Variants in CDIN1 observed in about 807,000 individuals in gnomAD.
CDIN1 encodes the protein CDAN1 interacting nuclease 1.
CDIN1 carries 33 observed loss-of-function variants against 45.3 expected under a neutral mutation model. That is an observed-to-expected ratio of 0.73 (90% CI 0.55 to 0.97). The LOEUF is 0.97. Among genes scored for constraint, CDIN1 ranks in the 50% least tolerant of loss-of-function variants. CDIN1 has a pLI of 0.00. For synonymous variants in CDIN1, 118 were observed against 124.4 expected (o/e 0.95, Z 0.34); for missense variants, 303 against 339.4 (o/e 0.89, Z 0.84).
In CDIN1 at chr15:36,579,876, G is replaced by GCTCA; in HGVS notation, c.17_20dup (p.Gln7HisfsTer48). The GCTCA allele has an allele frequency of 1.2e-6, 2 of 1,613,828 alleles. No homozygotes were observed. Among genetic ancestry groups the GCTCA allele is most frequent in the Non-Finnish European group, 1.7e-6 (2 of 1,179,844 alleles). ...CTGGCCCAACATGATACTGACCAAA[G>GCTCA]CTCAGTACGACGAGATAGCCCAGTG... is the stretch of plus-strand genomic sequence containing the variant. On this transcript the variant is annotated frameshift_variant, in exon 1 of 11. Transcript: ENST00000566621. LOFTEE classifies it high-confidence loss of function.
intron 5 of CDIN1, among the ~76,000 whole-genome samples, chr15:36,666,324 C>T (rs968759195): frequency 6.6e-6 from 1 of 152,130 alleles, no homozygotes; most frequent in African/African-American, 2.4e-5. Flanking sequence ...TGAGAATTAT[C>T]ATGGCTGGTA....
chr15:36,618,035 T>C (rs1165033867), intron 1 of CDIN1: 2 of 780,684 alleles, frequency 2.6e-6, no homozygotes, highest in Non-Finnish European at 4.7e-6. Flanking sequence ...TCACCAGCAG[T>C]TCTCGGTCTA....
In CDIN1 at chr15:36,709,965, A is replaced by C. The variant is rs1261600914; in HGVS notation, c.716+4A>C. On this transcript the variant is annotated splice_donor_region_variant and intron_variant, in intron 10 of 10. Transcript: ENST00000566621. ...AGTTCTGGAGCTACTGGAATAGGTA[A>C]GGTCTCATTATTTTTCTTTTAAGAT... 1.9e-6 allele frequency: 3 copies of C among 1,591,936 alleles called. No homozygotes were observed. In the Admixed American group the frequency reaches 5.1e-5, roughly 27 times the overall value.
chr15:36,658,006 A>G lies in CDIN1; in HGVS notation c.346+101A>G, dbSNP rs552740790. The G allele has an allele frequency of 7.4e-6, 7 of 947,144 alleles. No homozygotes were observed. In the South Asian group the frequency reaches 1.1e-4, roughly 15 times the overall value. 58.7% of individuals were successfully genotyped at this position (947,144 alleles called of 1,614,324 possible). A position where few individuals can be genotyped will look rare whatever the true frequency, so the allele number is the denominator to read the frequency against. ...AGTCACTTAATGAGAGCCAGATTCCAAAACAGCTATCATGAACAGTTAATG... is the reference window on the plus strand; with the variant it reads ...AGTCACTTAATGAGAGCCAGATTCCGAAACAGCTATCATGAACAGTTAATG... On this transcript the variant is annotated intron_variant, in intron 5 of 10. Transcript: ENST00000566621.
chr15:36,729,521 C>T (rs1056861564), intron 10 of CDIN1, among the ~76,000 whole-genome samples: 11 of 152,220 alleles, frequency 7.2e-5, no homozygotes, highest in East Asian at 3.9e-4. Flanking sequence ...ACCAAGAAGT[C>T]GTGTCCTTTT....
At chr15:36,678,058 T>G (rs2041713916) in intron 5 of CDIN1, among the ~76,000 whole-genome samples, 1 of 152,228 alleles carries the variant, frequency 6.6e-6, no homozygotes, top group Non-Finnish European at 1.5e-5. Context: ...AGTTATTTCT[T>G]ACATGATTAT....
intron 10 of CDIN1, among the ~76,000 whole-genome samples, chr15:36,798,344 T>C (rs1010172201): frequency 1.3e-5 from 2 of 152,362 alleles, no homozygotes; most frequent in African/African-American, 2.4e-5. Context: ...TTTATTTTTT[T>C]CCCCTTTCTG....
chr15:36,737,951 A>G (rs988470159), intron 10 of CDIN1, among the ~76,000 whole-genome samples: 1 of 152,202 alleles, frequency 6.6e-6, no homozygotes, highest in Non-Finnish European at 1.5e-5. Context: ...ACATTTGACA[A>G]AGCTTACCGA....
intron 7 of CDIN1, 101 bp from the exon 8 acceptor site, chr15:36,697,222 G>A: frequency 1.1e-6 from 1 of 873,222 alleles, no homozygotes; most frequent in Non-Finnish European, 1.9e-6. Context: ...CCAAGATGTG[G>A]ACTAAGGGTG....
In CDIN1 at chr15:36,744,901, A is replaced by G. The variant is rs77649688; in HGVS notation, c.716+34940A>G. On this transcript the variant is annotated intron_variant, in intron 10 of 10. Coordinates refer to ENST00000566621, the MANE Select transcript of CDIN1 (RefSeq NM_001321759.2). ...TATGGCCATTGACCTGAATACTGCC[A>G]TGTCTAGCTTTCTACATCCCAGAAG... Among the ~76,000 whole-genome samples the G allele has an allele frequency of 9.2e-3, 1,405 of 152,308 alleles. 18 individuals carry two copies. The highest frequency in any genetic ancestry group is 0.032 in the African/African-American group (1,347 of 41,568).
At chr15:36,662,782 C>A (rs760070150) in intron 5 of CDIN1, among the ~76,000 whole-genome samples, 4 of 150,536 alleles carry the variant, frequency 2.7e-5, no homozygotes, top group Non-Finnish European at 4.4e-5. Context: ...TGGAATGTAT[C>A]ATGTGTGTAC....
chr15:36,802,169 G>A (rs2141134177), intron 10 of CDIN1, among the ~76,000 whole-genome samples: 1 of 152,234 alleles, frequency 6.6e-6, no homozygotes, highest in South Asian at 2.1e-4. Context: ...GCCCTTTTTG[G>A]GCCCCAGTTT....
At chr15:36,582,409 T>C (rs1195916265) in intron 1 of CDIN1, among the ~76,000 whole-genome samples, 1 of 152,218 alleles carries the variant, frequency 6.6e-6, no homozygotes, top group Admixed American at 6.5e-5. Context: ...AATAAGAGAA[T>C]ATTCTTTAGT....
chr15:36,612,548 GA>G (rs1384359566), intron 1 of CDIN1, among the ~76,000 whole-genome samples: 2 of 152,184 alleles, frequency 1.3e-5, no homozygotes, highest in Admixed American at 1.3e-4. Context: ...GAGGCTGCAT[GA>G]GAACAAGTTT....
At chr15:36,799,295 T>A (rs2054929595) in intron 10 of CDIN1, 1 of 152,232 alleles carries the variant, frequency 6.6e-6, no homozygotes, top group Non-Finnish European at 1.5e-5. Context: ...TTAGGGTTTC[T>A]ATGTCTTTTG....
At chr15:36,675,195 T>A (rs1467990210) in intron 5 of CDIN1, among the ~76,000 whole-genome samples, 1 of 152,068 alleles carries the variant, frequency 6.6e-6, no homozygotes, top group Non-Finnish European at 1.5e-5. Context: ...ACTATTAACA[T>A]TTTTTTCTGC....
At chr15:36,768,912 A>T (rs1327661917) in intron 10 of CDIN1, among the ~76,000 whole-genome samples, 1 of 152,058 alleles carries the variant, frequency 6.6e-6, no homozygotes, top group Admixed American at 6.5e-5. Flanking sequence ...CACTCTAAAG[A>T]CCCAGTTGTC....
intron 2 of CDIN1, among the ~76,000 whole-genome samples, chr15:36,644,890 A>G (rs566098205): frequency 1.3e-5 from 2 of 152,368 alleles, no homozygotes; most frequent in South Asian, 2.1e-4. Context: ...GAAAATTAAT[A>G]CAAAGGTTGA....
intron 5 of CDIN1, among the ~76,000 whole-genome samples, chr15:36,690,373 A>G (rs1177471306): frequency 1.3e-5 from 2 of 150,134 alleles, no homozygotes; most frequent in Non-Finnish European, 3.0e-5. Context: ...GGTTCATGCC[A>G]TTCTCCTGCC....
Sources: allele counts gnomAD v4.1 joint callset (sites outside exome capture counted in the v4.1 genomes callset), GRCh38; gene constraint gnomAD v4.1.1; transcripts MANE v1.5; gene names NCBI Gene and HGNC (gene_info 2026-07-23, HGNC 2026-07-21).